BTRC: variants seen among roughly 807,000 people sequenced by gnomAD.
BTRC encodes beta-transducin repeat containing E3 ubiquitin protein ligase.
Under a neutral mutation model 85.5 loss-of-function variants are expected in BTRC, and 42 were observed. That is an observed-to-expected ratio of 0.49 (90% CI 0.38 to 0.64). BTRC has a LOEUF of 0.64. BTRC is among the 30% of genes least tolerant of loss of function. The pLI is 0.00. For missense variants in BTRC, 594 were observed against 743.5 expected, an observed-to-expected ratio of 0.80 and a Z score of 2.34; for synonymous variants, 255 against 263.3, an observed-to-expected ratio of 0.97 and a Z score of 0.30.
rs1242118546 is a variant in BTRC, at chr10:101,517,316, A to G, written c.325-4323A>G. 6.6e-5 allele frequency among the ~76,000 whole-genome samples: 10 copies of G among 152,212 alleles called. 1 individual carries two copies. The East Asian group carries it at 1.9e-3, about 29-fold the overall frequency. ...CTTTACTTTGTAAAGAGCCCTGTGT[A>G]TAGGATTTAACATCTAGAAAATAAG... On this transcript the variant is annotated intron_variant, in intron 4 of 14. Coordinates refer to ENST00000370187, the MANE Select transcript of BTRC (RefSeq NM_033637.4).
chr10:101,535,327 A>G (rs2062369815), intron 10 of BTRC, 27 bp from the exon 11 acceptor site: 9 of 1,563,272 alleles, frequency 5.8e-6, no homozygotes, highest in Non-Finnish European at 7.9e-6. Context: ...CACCAAATCA[A>G]CTGCTCAATG....
intron 2 of BTRC, among the ~76,000 whole-genome samples, chr10:101,438,902 G>C (rs1425132823): frequency 2.0e-5 from 3 of 152,040 alleles, no homozygotes; most frequent in Non-Finnish European, 2.9e-5. Context: ...CCCTACTCTG[G>C]TTCAATTCCA....
intron 1 of BTRC, among the ~76,000 whole-genome samples, chr10:101,366,331 AG>A (rs1429067896): frequency 3.3e-5 from 5 of 152,074 alleles, no homozygotes; most frequent in South Asian, 2.1e-4. Context: ...ATGGGGGCAG[AG>A]GGGGGTGAAG....
intron 1 of BTRC, among the ~76,000 whole-genome samples, chr10:101,398,733 G>C (rs575454366): frequency 7.9e-5 from 12 of 152,210 alleles, no homozygotes; most frequent in Non-Finnish European, 1.5e-4. Context: ...CCTGTGTTGT[G>C]GTTGAAAACT....
chr10:101,429,769 T>C (rs993763847), intron 1 of BTRC, among the ~76,000 whole-genome samples: 1 of 149,396 alleles, frequency 6.7e-6, no homozygotes, highest in African/African-American at 2.5e-5. Flanking sequence ...TTTTGGTTAA[T>C]GAATAGCAGA....
chr10:101,461,642 T>G (rs1462556723), intron 2 of BTRC, among the ~76,000 whole-genome samples: 1 of 152,200 alleles, frequency 6.6e-6, no homozygotes, highest in Non-Finnish European at 1.5e-5. Context: ...ATCATGGTTT[T>G]AGTTGTCATC....
At chr10:101,461,802 A>G (rs538103703) in intron 2 of BTRC, among the ~76,000 whole-genome samples, 179 bp from the exon 3 acceptor site, 1 of 152,340 alleles carries the variant, frequency 6.6e-6, no homozygotes, top group Admixed American at 6.5e-5. Flanking sequence ...ATTTATATAC[A>G]TGGGCATATG....
chr10:101,538,444 A>T, intron 13 of BTRC, 73 bp downstream of exon 13: 1 of 1,364,306 alleles, frequency 7.3e-7, no homozygotes, highest in South Asian at 1.2e-5. Flanking sequence ...GTGCTGTGGA[A>T]TATGGATTTG....
intron 8 of BTRC, 85 bp downstream of exon 8, chr10:101,532,517 C>T (rs541206447): frequency 8.9e-5 from 126 of 1,415,118 alleles, no homozygotes; most frequent in Non-Finnish European, 7.5e-6. Context: ...AAACTCTAAG[C>T]ATTATTTCTA....
At chr10:101,497,573 G>C (rs999511983) in intron 4 of BTRC, among the ~76,000 whole-genome samples, 8 of 152,098 alleles carry the variant, frequency 5.3e-5, no homozygotes, top group Admixed American at 6.6e-5. Flanking sequence ...AGGCATGGTG[G>C]TGCGCACCTG....
intron 3 of BTRC, among the ~76,000 whole-genome samples, chr10:101,463,578 G>A (rs1335161859): frequency 6.6e-6 from 1 of 152,080 alleles, no homozygotes; most frequent in African/African-American, 2.4e-5. Flanking sequence ...CTAGGAAATA[G>A]GAGATCTAAT....
chr10:101,494,881 CATT>C (rs1271365217), intron 4 of BTRC, among the ~76,000 whole-genome samples: 2 of 152,124 alleles, frequency 1.3e-5, no homozygotes, highest in African/African-American at 2.4e-5. Context: ...GTGAAATAGA[CATT>C]GTTGTGTGGA....
intron 2 of BTRC, among the ~76,000 whole-genome samples, chr10:101,448,813 A>AT (rs999864631): frequency 6.0e-5 from 9 of 150,044 alleles, no homozygotes; most frequent in Admixed American, 1.3e-4. Flanking sequence ...ATGGTGTATA[A>AT]TTTTTTTTTT....
chr10:101,429,355 T>C (rs925883525), intron 1 of BTRC, among the ~76,000 whole-genome samples: 5 of 152,168 alleles, frequency 3.3e-5, no homozygotes, highest in Admixed American at 6.5e-5. Context: ...TTAGAGCTAC[T>C]AGAAATGTGT....
chr10:101,418,169 C>A (rs1281016613), intron 1 of BTRC, among the ~76,000 whole-genome samples: 1 of 152,048 alleles, frequency 6.6e-6, no homozygotes, highest in Non-Finnish European at 1.5e-5. Flanking sequence ...GAGTTCAAGA[C>A]CAGCCTGGCC....
intron 1 of BTRC, among the ~76,000 whole-genome samples, chr10:101,387,527 A>AATTTTTTTTTTTTTTTTTTTTTTT (rs1564741908): frequency 5.9e-5 from 1 of 16,996 alleles, no homozygotes; most frequent in East Asian, 3.8e-3. Flanking sequence ...CCTTCATGGG[A>AATTTTTTTTTTTTTTTTTTTTTTT]CTTTTTTTTT....
chr10:101,550,774 C>G lies in BTRC; in HGVS notation c.1732C>G (p.Leu578Val). Residue 578 changes from leucine (L) to valine (V), a missense_variant, in exon 14 of 15, where the codon CTC becomes GTC. Around this residue, in one of 4 missense-constraint regions of BTRC, gnomAD observed 56 missense variants for 39.6 expected, o/e 1.41. Transcript: ENST00000370187. The stretch of plus-strand genomic sequence containing the variant: ...CAGTAGTTCACATGATGACACAATC[C>G]TCATCTGGGACTTCCTAAATGATCC... ...IVSSSHDDTI[L>V]IWDFLNDPAA... 1.9e-6 allele frequency: 3 copies of G among 1,613,972 alleles called. No individual in the cohort carries two copies. Among genetic ancestry groups the G allele is most frequent in the Non-Finnish European group, 2.5e-6 (3 of 1,179,936 alleles).
intron 3 of BTRC, among the ~76,000 whole-genome samples, chr10:101,472,408 A>G (rs1475002529): frequency 6.6e-6 from 1 of 152,004 alleles, no homozygotes; most frequent in Non-Finnish European, 1.5e-5. Flanking sequence ...GAGCTCAAGC[A>G]ATCCTCCTGC....
intron 1 of BTRC, among the ~76,000 whole-genome samples, chr10:101,373,649 G>A (rs1168487190): frequency 2.0e-5 from 3 of 152,140 alleles, no homozygotes; most frequent in African/African-American, 7.2e-5. Flanking sequence ...CGGGCGCGGT[G>A]GTTCACGCCT....
Sources: gnomAD v4.1 joint callset for allele counts (sites outside exome capture counted in the v4.1 genomes callset) on GRCh38, gnomAD v4.1.1 for gene constraint, gnomAD v4.1.1 regional missense constraint, MANE v1.5 for transcripts, NCBI Gene and HGNC (gene_info 2026-07-23, HGNC 2026-07-21) for gene names.